ARIH2: variants seen among roughly 807,000 people sequenced by gnomAD.
ARIH2 encodes E3 ubiquitin-protein ligase ARIH2.
In ARIH2, 12 loss-of-function variants were observed where a neutral mutation model predicts 79.8. The ratio of observed to expected loss-of-function variants is 0.15; its 90% CI spans 0.10 to 0.24. The LOEUF (loss-of-function observed/expected upper bound fraction) is 0.24, where lower values mean the gene tolerates loss of function less well. ARIH2 is among the 10% of genes least tolerant of loss of function. ARIH2 has a pLI of 1.00. For synonymous variants in ARIH2, 224 were observed against 213.9 expected (o/e 1.05, Z -0.41); for missense variants, 301 against 618.3 (o/e 0.49, Z 5.44).
intron 3 of ARIH2, among the ~76,000 whole-genome samples, chr3:48,938,656 A>AT (rs964802037): frequency 6.6e-6 from 1 of 152,190 alleles, no homozygotes; most frequent in African/African-American, 2.4e-5. Flanking sequence ...GTGCCCTTCC[A>AT]TTTTTAAATA....
In ARIH2 at chr3:48,961,695, G is replaced by T. The variant is rs771671771; in HGVS notation, c.323+16G>T. 64 of 1,569,348 alleles carry T rather than the reference G, an allele frequency of 4.1e-5. No individual in the cohort carries two copies. Among genetic ancestry groups the T allele is most frequent in the Non-Finnish European group, 5.5e-5 (63 of 1,139,764 alleles). On this transcript the variant is annotated intron_variant, in intron 4 of 15. Coordinates refer to ENST00000356401, the MANE Select transcript of ARIH2 (RefSeq NM_006321.4). ...TATTGGACAGGTAAGGTATTTGGGG[G>T]AGGAGAGAGAACATTGCCCATAGCT...
chr3:48,918,942 C>A lies in ARIH2; in HGVS notation c.-218C>A, dbSNP rs1024737553. 9.6e-6 allele frequency: 15 copies of A among 1,560,814 alleles called. No individual in the cohort carries two copies. Among genetic ancestry groups the A allele is most frequent in the Non-Finnish European group, 1.3e-5 (15 of 1,161,306 alleles). Reference sequence around the variant, plus strand: ...TTCGCCCCAATCCGGTCCCTCTGGCCCGGCCTGACCCGGTCTGGCTTGTTC... The same window carrying A: ...TTCGCCCCAATCCGGTCCCTCTGGCACGGCCTGACCCGGTCTGGCTTGTTC... On this transcript the variant is annotated 5_prime_UTR_variant, in exon 1 of 16. Transcript: ENST00000356401.
At chr3:48,938,005 C>T (rs1440887987) in intron 3 of ARIH2, among the ~76,000 whole-genome samples, 4 of 144,750 alleles carry the variant, frequency 2.8e-5, no homozygotes, top group Non-Finnish European at 6.0e-5. Context: ...CGAGATTGTG[C>T]CACTGCACTC....
In ARIH2 at chr3:48,980,501, C is replaced by T; in HGVS notation, c.1257+5C>T. 1 of 1,613,610 alleles carries T rather than the reference C, an allele frequency of 6.2e-7. No individual in the cohort carries two copies. Among genetic ancestry groups the T allele is most frequent in the South Asian group, 1.1e-5 (1 of 91,012 alleles). ...GCTGCCAAGCTCTTGGCCAAGGTAT[C>T]TACCACTTCACTCATCTTATCCCTG... On this transcript the variant is annotated splice_donor_5th_base_variant and intron_variant, in intron 13 of 15. Transcript: ENST00000356401.
rs190199054 is a variant in ARIH2, at chr3:48,946,082, T to C, written c.256-15530T>C. ...GTGCCTCCAGAACAAAATGCTGAGA[T>C]TGTAGATTTGCATGCTGCTAACCAC... On this transcript the variant is annotated intron_variant, in intron 3 of 15. Coordinates refer to ENST00000356401, the MANE Select transcript of ARIH2 (RefSeq NM_006321.4). Among the ~76,000 whole-genome samples, 161 of 152,252 alleles carry C rather than the reference T, an allele frequency of 1.1e-3. 1 individual carries two copies. Among genetic ancestry groups the C allele is most frequent in the Admixed American group, 7.8e-3 (119 of 15,294 alleles).
intron 3 of ARIH2, among the ~76,000 whole-genome samples, chr3:48,933,385 A>T (rs1275407009): frequency 6.7e-6 from 1 of 149,112 alleles, no homozygotes; most frequent in Non-Finnish European, 1.5e-5. Context: ...CTGGTCTCAA[A>T]CTCCAGAGTT....
At chr3:48,933,011 A>G (rs2086581515) in intron 3 of ARIH2, among the ~76,000 whole-genome samples, 1 of 152,220 alleles carries the variant, frequency 6.6e-6, no homozygotes, top group Non-Finnish European at 1.5e-5. Context: ...TTATGATTGT[A>G]GCCTCAAGCA....
intron 2 of ARIH2, among the ~76,000 whole-genome samples, chr3:48,924,275 C>T (rs2085254030): frequency 6.6e-6 from 1 of 151,512 alleles, no homozygotes; most frequent in Non-Finnish European, 1.5e-5. Flanking sequence ...GATTATGATA[C>T]AGGCGTGAGC....
At chr3:48,946,319 T>C (rs2089137151) in intron 3 of ARIH2, among the ~76,000 whole-genome samples, 1 of 151,988 alleles carries the variant, frequency 6.6e-6, no homozygotes, top group Non-Finnish European at 1.5e-5. Context: ...AGCAGCCATC[T>C]ACTCTAGGTT....
At chr3:48,940,025 T>G (rs1576245420) in intron 3 of ARIH2, among the ~76,000 whole-genome samples, 1 of 151,686 alleles carries the variant, frequency 6.6e-6, no homozygotes, top group Non-Finnish European at 1.5e-5. Flanking sequence ...GCCAACATGG[T>G]GAAACCCTGT....
At chr3:48,925,637 A>G (rs2085473613) in intron 2 of ARIH2, among the ~76,000 whole-genome samples, 2 of 151,480 alleles carry the variant, frequency 1.3e-5, no homozygotes, top group East Asian at 3.9e-4. Context: ...TTGCTTTTGT[A>G]TTTAATCAAG....
At chr3:48,980,227 T>G in intron 12 of ARIH2, 126 bp from the exon 13 acceptor site, 2 of 952,060 alleles carry the variant, frequency 2.1e-6, no homozygotes, top group South Asian at 1.6e-5. Flanking sequence ...CTCTTGCACT[T>G]TGGGGAATAA....
At chr3:48,934,269 T>G (rs1357905531) in intron 3 of ARIH2, 6 of 579,530 alleles carry the variant, frequency 1.0e-5, no homozygotes, top group Non-Finnish European at 4.4e-6. Flanking sequence ...TTTTCTTAAT[T>G]GGTACTAAAT....
chr3:48,926,280 T>C (rs1474518125), intron 2 of ARIH2, among the ~76,000 whole-genome samples: 4 of 152,094 alleles, frequency 2.6e-5, no homozygotes, highest in Non-Finnish European at 5.9e-5. Context: ...TGTGTACGTG[T>C]GTGTGTGACG....
intron 12 of ARIH2, 189 bp downstream of exon 12, chr3:48,979,822 C>G: frequency 1.8e-6 from 1 of 561,668 alleles, no homozygotes; most frequent in Non-Finnish European, 3.0e-6. Context: ...ATATCCCCAG[C>G]CAACAGGGAA....
chr3:48,973,749 G>A lies in ARIH2; in HGVS notation c.821G>A (p.Arg274Gln), dbSNP rs1472921582. The A allele has an allele frequency of 1.2e-6, 2 of 1,614,118 alleles. No individual in the cohort carries two copies. Among genetic ancestry groups the A allele is most frequent in the Non-Finnish European group, 1.7e-6 (2 of 1,180,006 alleles). Reference sequence around the variant, plus strand: ...GCACCCACAGACTGTGCCACAATCCGGAAATGGCTCACGAAGTGTGCAGAC... The same window carrying A: ...GCACCCACAGACTGTGCCACAATCCAGAAATGGCTCACGAAGTGTGCAGAC... ...YHAPTDCATIRKWLTKCADDS... is the reference protein window; with the variant it reads ...YHAPTDCATIQKWLTKCADDS... The change falls in exon 9 of 16, where the codon CGG becomes CAG. Residue 274 changes from arginine to glutamine, a missense_variant. By Grantham distance (43) the Arg-to-Gln change is conservative. Around this residue, in one of 2 missense-constraint regions of ARIH2, gnomAD observed 223 missense variants for 349.4 expected, o/e 0.64. Coordinates refer to ENST00000356401, the MANE Select transcript of ARIH2 (RefSeq NM_006321.4).
chr3:48,930,438 C>G (rs1213691659), intron 3 of ARIH2, among the ~76,000 whole-genome samples: 1 of 152,094 alleles, frequency 6.6e-6, no homozygotes, highest in Non-Finnish European at 1.5e-5. Context: ...GCTGAGATTG[C>G]CCCCACTATA....
chr3:48,952,301 G>T (rs1417145499), intron 3 of ARIH2, among the ~76,000 whole-genome samples: 1 of 152,160 alleles, frequency 6.6e-6, no homozygotes, highest in African/African-American at 2.4e-5. Flanking sequence ...GAATCATTCA[G>T]TGAATTGCTG....
At chr3:48,975,994 T>G (rs994480712) in intron 11 of ARIH2, among the ~76,000 whole-genome samples, 2 of 152,084 alleles carry the variant, frequency 1.3e-5, no homozygotes, top group Admixed American at 6.5e-5. Flanking sequence ...GACTGCAACC[T>G]CCACCTCCTG....
Sources: gnomAD v4.1 joint callset for allele counts (sites outside exome capture counted in the v4.1 genomes callset) on GRCh38, gnomAD v4.1.1 for gene constraint, gnomAD v4.1.1 regional missense constraint, MANE v1.5 for transcripts, NCBI Gene and HGNC (gene_info 2026-07-23, HGNC 2026-07-21) for gene names.